Variants in PSMB9 observed in about 807,000 individuals in gnomAD.
The protein encoded by PSMB9 is proteasome subunit beta type-9.
Under a neutral mutation model 26.9 loss-of-function variants are expected in PSMB9, and 16 were observed. That is an observed-to-expected ratio of 0.59 (90% CI 0.40 to 0.90). The LOEUF is 0.90. PSMB9 is among the 40% of genes least tolerant of loss of function. PSMB9 has a pLI of 0.00. For missense variants in PSMB9, 253 were observed against 292.2 expected, an observed-to-expected ratio of 0.87 and a Z score of 0.98; for synonymous variants, 91 against 112.0, an observed-to-expected ratio of 0.81 and a Z score of 1.18.
intron 1 of PSMB9, 187 bp from the exon 2 acceptor site, chr6:32,855,951 C>T (rs149675166): frequency 2.6e-5 from 15 of 582,820 alleles, no homozygotes; most frequent in African/African-American, 1.3e-4. Flanking sequence ...CCCCTGCAGC[C>T]GGATGAAGCA....
In PSMB9 at chr6:32,858,644, G is replaced by T; in HGVS notation, c.532+139G>T. ...CTGGTACACTTTTAAGAGTGAAAAG[G>T]GGCAGGACAAATGCAAAGCTCAATG... On this transcript the variant is annotated intron_variant, in intron 5 of 5. Transcript: ENST00000374859. This position sits in a 1 kb window ranked among gnomAD's most constrained non-coding sequence, Gnocchi z 5.2. 8.6e-7 allele frequency: 1 copy of T among 1,161,880 alleles called. No individual in the cohort carries two copies. Among genetic ancestry groups the T allele is most frequent in the South Asian group, 1.3e-5 (1 of 76,794 alleles). The allele number at this position is 1,161,880 out of a possible 1,614,324, so 72.0% of individuals were successfully genotyped here.
At chr6:32,856,419 C>G in intron 2 of PSMB9, 1 of 584,232 alleles carries the variant, frequency 1.7e-6, no homozygotes, top group South Asian at 2.1e-5. Flanking sequence ...TGTGACCTGT[C>G]CCAGTAGTGT....
In PSMB9 at chr6:32,858,497, C is replaced by G. The variant is rs1771276578; in HGVS notation, c.524C>G (p.Thr175Ser). The change falls in exon 5 of 6, where the codon ACC becomes AGC. Residue 175 changes from threonine (T) to serine (S), a missense_variant. Coordinates refer to ENST00000374859, the MANE Select transcript of PSMB9 (RefSeq NM_002800.5). The surrounding 1 kb of genome is among the most constrained non-coding windows in gnomAD (Gnocchi z 5.2). ...GMSPEECRRFTTDAIALAMSR... is the reference protein window; with the variant it reads ...GMSPEECRRFSTDAIALAMSR... ...TCTCCCGAGGAGTGCAGGCGCTTCA[C>G]CACAGACGGTAACCAGCCAAGTGGA... 1 of 1,612,902 alleles carries G rather than the reference C, an allele frequency of 6.2e-7. No individual in the cohort carries two copies. Among genetic ancestry groups the G allele is most frequent in the East Asian group, 2.2e-5 (1 of 44,880 alleles).
rs768562069 is a variant in PSMB9, at chr6:32,856,124, C to T, written c.61-14C>T. On this transcript the variant is annotated splice_polypyrimidine_tract_variant and intron_variant, in intron 1 of 5. Transcript: ENST00000374859. Reference sequence around the variant, plus strand: ...TGTTCTTGCCCTGACATTCCATATTCTGTGTCTCTGCAGACCACCATCATG... The same window carrying T: ...TGTTCTTGCCCTGACATTCCATATTTTGTGTCTCTGCAGACCACCATCATG... The T allele has an allele frequency of 6.2e-7, 1 of 1,610,930 alleles. No homozygotes were observed. Among genetic ancestry groups the T allele is most frequent in the Non-Finnish European group, 8.5e-7 (1 of 1,178,190 alleles).
In PSMB9 at chr6:32,854,215, C is replaced by T. The variant is rs1771029073; in HGVS notation, c.-15C>T. On this transcript the variant is annotated 5_prime_UTR_variant, in exon 1 of 6. Coordinates refer to ENST00000374859, the MANE Select transcript of PSMB9 (RefSeq NM_002800.5). The surrounding 1 kb of genome is among the most constrained non-coding windows in gnomAD (Gnocchi z 4.6). ...CCAGTGCCCCAGGCGGCGAGGAGAG[C>T]GGTGCCTTGCAGGGATGCTGCGGGC... 2 of 1,546,150 alleles carry T rather than the reference C, an allele frequency of 1.3e-6. No homozygotes were observed. Among genetic ancestry groups the T allele is most frequent in the Non-Finnish European group, 1.7e-6 (2 of 1,146,288 alleles).
rs1026325076 is a variant in PSMB9 at position 32,854,596 on chromosome 6, C to G, written c.60+307C>G. Among the ~76,000 whole-genome samples, 1 of 149,994 alleles carries G rather than the reference C, an allele frequency of 6.7e-6. No homozygotes were observed. The highest frequency in any genetic ancestry group is 2.0e-4 in the East Asian group (1 of 5,106). ...CTTTCGCTTTCACTCTGGTCCCGGA[C>G]AGTGGGGGCTGGTTAAATCAAGAAA... On this transcript the variant is annotated intron_variant, in intron 1 of 5. Transcript: ENST00000374859. This position sits in a 1 kb window ranked among gnomAD's most constrained non-coding sequence, Gnocchi z 4.6.
intron 3 of PSMB9, 68 bp downstream of exon 3, chr6:32,857,462 A>C (rs1771221832): frequency 6.6e-7 from 1 of 1,514,432 alleles, no homozygotes; most frequent in South Asian, 1.3e-5. Flanking sequence ...ATCCCTGTAC[A>C]GTGTGCTGTT....
At position 32,858,184 on chromosome 6, in the gene PSMB9, C is replaced by CCTCT. The variant is rs1192215861; in HGVS notation, c.390+50_390+51insCTCT. 1 of 1,609,044 alleles carries CCTCT rather than the reference C, an allele frequency of 6.2e-7. No homozygotes were observed. Among genetic ancestry groups the CCTCT allele is most frequent in the African/African-American group, 1.3e-5 (1 of 74,908 alleles). On this transcript the variant is annotated intron_variant, in intron 4 of 5. Transcript: ENST00000374859. This position sits in a 1 kb window ranked among gnomAD's most constrained non-coding sequence, Gnocchi z 5.2. ...TCCTCTGGGCTTCCCCACTCTCCTG[C>CCTCT]AGAGGAAGATGGAAGTCCTATGTCA...
rs112499843 is a variant in PSMB9 at position 32,859,628 on chromosome 6, C to T, written c.*96C>T. The T allele has an allele frequency of 2.1e-6, 3 of 1,440,978 alleles. No individual in the cohort carries two copies. Among genetic ancestry groups the T allele is most frequent in the South Asian group, 2.6e-5 (2 of 75,578 alleles). The allele number at this position is 1,440,978 out of a possible 1,614,324, so 89.3% of individuals were successfully genotyped here. The stretch of plus-strand genomic sequence containing the variant: ...GAAATGAGTGCTCAGGGAGATGGAG[C>T]TTAGGGGAGGTGGGTGCTTCCCTCC... On this transcript the variant is annotated 3_prime_UTR_variant, in exon 6 of 6. Transcript: ENST00000374859.
chr6:32,858,435 C>T lies in PSMB9; in HGVS notation c.462C>T (p.Ile154=), dbSNP rs763172748. The T allele has an allele frequency of 3.1e-6, 5 of 1,612,922 alleles. No homozygotes were observed. Among genetic ancestry groups the T allele is most frequent in the African/African-American group, 1.3e-5 (1 of 74,916 alleles). ...FAIGGSGSTF[I]YGYVDAAYKP... ...TTGGTGGCTCCGGCAGCACCTTTATCTATGGTTATGTGGATGCAGCATATA... is the reference window on the plus strand; with the variant it reads ...TTGGTGGCTCCGGCAGCACCTTTATTTATGGTTATGTGGATGCAGCATATA... The change falls in exon 5 of 6, where the codon ATC becomes ATT. Residue 154 remains isoleucine, a synonymous_variant. Coordinates refer to ENST00000374859, the MANE Select transcript of PSMB9 (RefSeq NM_002800.5). This position sits in a 1 kb window ranked among gnomAD's most constrained non-coding sequence, Gnocchi z 5.2.
Position 32,858,367 on chromosome 6 carries a change from T to C in PSMB9, c.394T>C (p.Tyr132His). The change falls in exon 5 of 6, where the codon TAT (tyrosine) becomes CAT (histidine). Residue 132 changes from tyrosine (Y) to histidine (H), a missense_variant. Coordinates refer to ENST00000374859, the MANE Select transcript of PSMB9 (RefSeq NM_002800.5). The surrounding 1 kb of genome is among the most constrained non-coding windows in gnomAD (Gnocchi z 5.2). ...AACCTGAGGATCCCTTTCCCAGGTATATGGAACCCTGGGAGGAATGCTGAC... is the reference window on the plus strand; with the variant it reads ...AACCTGAGGATCCCTTTCCCAGGTACATGGAACCCTGGGAGGAATGCTGAC... The part of the protein sequence containing the change: ...GWDQREGGQV[Y>H]GTLGGMLTRQ... 6.2e-7 allele frequency: 1 copy of C among 1,612,886 alleles called. No homozygotes were observed. The highest frequency in any genetic ancestry group is 8.5e-7 in the Non-Finnish European group (1 of 1,179,928).
At chr6:32,855,479 C>G (rs1771113311) in intron 1 of PSMB9, among the ~76,000 whole-genome samples, 1 of 152,092 alleles carries the variant, frequency 6.6e-6, no homozygotes, top group Non-Finnish European at 1.5e-5. Context: ...ACAAATTTAC[C>G]TCCCTGGCTG....
In PSMB9 at chr6:32,858,881, T is replaced by TAA. The variant is rs199651699; in HGVS notation, c.532+383_532+384dup. ...GAAACCCTGTCTCCACAAAAAACAA[T>TAA]AAAAAAAAGTAAAAAAAAAAATGAA... is the stretch of plus-strand genomic sequence containing the variant. On this transcript the variant is annotated intron_variant, in intron 5 of 5. Transcript: ENST00000374859. The surrounding 1 kb of genome is among the most constrained non-coding windows in gnomAD (Gnocchi z 5.2). 1 of 262,966 alleles carries TAA rather than the reference T, an allele frequency of 3.8e-6. No homozygotes were observed. Among genetic ancestry groups the TAA allele is most frequent in the Non-Finnish European group, 7.1e-6 (1 of 140,050 alleles). The allele number at this position is 262,966 out of a possible 1,614,324, so 16.3% of individuals were successfully genotyped here. A position where few individuals can be genotyped will look rare whatever the true frequency, so the allele number is the denominator to read the frequency against.
chr6:32,856,387 G>T lies in PSMB9; in HGVS notation c.128+182G>T. On this transcript the variant is annotated intron_variant, in intron 2 of 5. Transcript: ENST00000374859. ...CTTGGGTCTCTGAATTTGTGGAGGA[G>T]GATCTGGGGTCTGAATGTGTATGTG... is the stretch of plus-strand genomic sequence containing the variant. 6.4e-6 allele frequency: 4 copies of T among 621,278 alleles called. No homozygotes were observed. In the South Asian group the frequency reaches 7.8e-5, roughly 12 times the overall value. 38.5% of individuals were successfully genotyped at this position (621,278 alleles called of 1,614,324 possible).
chr6:32,859,600 T>C lies in PSMB9; in HGVS notation c.*68T>C, dbSNP rs1405298544. 6.4e-7 allele frequency: 1 copy of C among 1,558,382 alleles called. No homozygotes were observed. Among genetic ancestry groups the C allele is most frequent in the Non-Finnish European group, 8.8e-7 (1 of 1,142,834 alleles). ...TAGGGCCAAAACCTGGTATGGTCAT[T>C]GGGAAATGAGTGCTCAGGGAGATGG... On this transcript the variant is annotated 3_prime_UTR_variant, in exon 6 of 6. Transcript: ENST00000374859.
chr6:32,854,212 G>A lies in PSMB9; in HGVS notation c.-18G>A, dbSNP rs1167810042. 1.3e-6 allele frequency: 2 copies of A among 1,546,956 alleles called. No individual in the cohort carries two copies. The highest frequency in any genetic ancestry group is 2.1e-4 in the Middle Eastern group (1 of 4,702). ...AAACCAGTGCCCCAGGCGGCGAGGA[G>A]AGCGGTGCCTTGCAGGGATGCTGCG... On this transcript the variant is annotated 5_prime_UTR_variant, in exon 1 of 6. Transcript: ENST00000374859. The surrounding 1 kb of genome is among the most constrained non-coding windows in gnomAD (Gnocchi z 4.6).
chr6:32,857,521 T>C (rs892875229), intron 3 of PSMB9, 127 bp downstream of exon 3: 7 of 1,213,478 alleles, frequency 5.8e-6, no homozygotes, highest in Non-Finnish European at 7.7e-6. Flanking sequence ...CGGCTCTTGC[T>C]GGCACTTGAA....
At position 32,858,617 on chromosome 6, in the gene PSMB9, G is replaced by T; in HGVS notation, c.532+112G>T. ...GGGTGGCCATTTAAGTTAATGCCGG[G>T]CCTGGTACACTTTTAAGAGTGAAAA... On this transcript the variant is annotated intron_variant, in intron 5 of 5. Coordinates refer to ENST00000374859, the MANE Select transcript of PSMB9 (RefSeq NM_002800.5). This position sits in a 1 kb window ranked among gnomAD's most constrained non-coding sequence, Gnocchi z 5.2. 1 of 1,409,652 alleles carries T rather than the reference G, an allele frequency of 7.1e-7. No homozygotes were observed. The highest frequency in any genetic ancestry group is 1.2e-5 in the South Asian group (1 of 84,876). The allele number at this position is 1,409,652 out of a possible 1,614,324, so 87.3% of individuals were successfully genotyped here. A position where few individuals can be genotyped will look rare whatever the true frequency, so the allele number is the denominator to read the frequency against.
In PSMB9 at chr6:32,858,442, T is replaced by C. The variant is rs374928062; in HGVS notation, c.469T>C (p.Tyr157His). The C allele has an allele frequency of 4.9e-5, 79 of 1,613,050 alleles. No individual in the cohort carries two copies. The highest frequency in any genetic ancestry group is 6.5e-5 in the Non-Finnish European group (77 of 1,180,032). The change falls in exon 5 of 6, where the codon TAT becomes CAT. Residue 157 changes from tyrosine (Y) to histidine (H), a missense_variant. Coordinates refer to ENST00000374859, the MANE Select transcript of PSMB9 (RefSeq NM_002800.5). The surrounding 1 kb of genome is among the most constrained non-coding windows in gnomAD (Gnocchi z 5.2). ...CTCCGGCAGCACCTTTATCTATGGTTATGTGGATGCAGCATATAAGCCAGG... is the reference window on the plus strand; with the variant it reads ...CTCCGGCAGCACCTTTATCTATGGTCATGTGGATGCAGCATATAAGCCAGG... The part of the protein sequence containing the change: ...GGSGSTFIYG[Y>H]VDAAYKPGMS...
Sources: allele counts gnomAD v4.1 joint callset (sites outside exome capture counted in the v4.1 genomes callset), GRCh38; gene constraint gnomAD v4.1.1; non-coding constraint Gnocchi (gnomAD v3.1); transcripts MANE v1.5; gene names NCBI Gene and HGNC (gene_info 2026-07-23, HGNC 2026-07-21).